Variants in MACROD2 observed in about 807,000 individuals in gnomAD.
The protein encoded by MACROD2 is mono-ADP ribosylhydrolase 2.
Under a neutral mutation model 70.4 loss-of-function variants are expected in MACROD2, and 36 were observed. That is an observed-to-expected ratio of 0.51 (90% CI 0.39 to 0.68). The LOEUF (loss-of-function observed/expected upper bound fraction) is 0.68. Ranked by LOEUF, MACROD2 falls within the 30% of genes least tolerant of loss-of-function variation. MACROD2 has a pLI of 0.00. For synonymous variants in MACROD2, 172 were observed against 178.8 expected (o/e 0.96, Z 0.30); for missense variants, 496 against 538.4 (o/e 0.92, Z 0.78).
chr20:14,466,117 C>T (rs1307252461), intron 3 of MACROD2, among the ~76,000 whole-genome samples: 1 of 152,064 alleles, frequency 6.6e-6, no homozygotes, highest in Admixed American at 6.6e-5. Flanking sequence ...TGGATAATAT[C>T]CTGCAGAGTG....
At chr20:15,686,148 T>A (rs906261115) in intron 8 of MACROD2, among the ~76,000 whole-genome samples, 20 of 152,230 alleles carry the variant, frequency 1.3e-4, no homozygotes, top group African/African-American at 4.8e-4. Context: ...AACTCTGATG[T>A]CATTTTCTCC....
At chr20:14,125,689 A>G (rs927206406) in intron 3 of MACROD2, among the ~76,000 whole-genome samples, 1 of 152,146 alleles carries the variant, frequency 6.6e-6, no homozygotes, top group African/African-American at 2.4e-5. Flanking sequence ...TTATCATTTA[A>G]TGATGCATTA....
intron 6 of MACROD2, among the ~76,000 whole-genome samples, chr20:15,245,655 A>G (rs1435552881): frequency 1.3e-5 from 2 of 152,228 alleles, no homozygotes; most frequent in African/African-American, 4.8e-5. Flanking sequence ...CACTCTCAGT[A>G]CAGTATTCAA....
intron 5 of MACROD2, among the ~76,000 whole-genome samples, chr20:14,785,078 A>G (rs987554778): frequency 2.6e-5 from 4 of 152,076 alleles, no homozygotes; most frequent in Admixed American, 2.6e-4. Flanking sequence ...AATAATTTCA[A>G]TTAACTTCTG....
At chr20:15,352,880 A>G (rs1242914368) in intron 6 of MACROD2, among the ~76,000 whole-genome samples, 1 of 152,020 alleles carries the variant, frequency 6.6e-6, no homozygotes, top group African/African-American at 2.4e-5. Flanking sequence ...AGAACATTCC[A>G]TGCTCATGGG....
At chr20:15,383,511 G>C (rs2146281955) in intron 6 of MACROD2, among the ~76,000 whole-genome samples, 1 of 152,248 alleles carries the variant, frequency 6.6e-6, no homozygotes. Flanking sequence ...CTTCCCAGTA[G>C]GAGTTTTAAT....
chr20:15,054,543 A>G (rs956661790), intron 5 of MACROD2, among the ~76,000 whole-genome samples: 5 of 152,258 alleles, frequency 3.3e-5, no homozygotes, highest in South Asian at 2.1e-4. Context: ...ATATAATGCT[A>G]TTGCACCCTT....
chr20:15,207,642 C>T (rs187963511), intron 5 of MACROD2, among the ~76,000 whole-genome samples: 13 of 151,792 alleles, frequency 8.6e-5, no homozygotes, highest in Middle Eastern at 3.4e-3. Flanking sequence ...GGGGTTTCAC[C>T]GTGTTAGCCA....
intron 6 of MACROD2, among the ~76,000 whole-genome samples, chr20:15,407,309 A>G (rs1438428528): frequency 1.3e-5 from 2 of 152,122 alleles, no homozygotes; most frequent in Admixed American, 1.3e-4. Context: ...TCACCCCTCA[A>G]TGGAAAAGTT....
At chr20:14,405,594 G>A (rs897760919) in intron 3 of MACROD2, among the ~76,000 whole-genome samples, 7 of 152,124 alleles carry the variant, frequency 4.6e-5, no homozygotes, top group East Asian at 1.9e-4. Flanking sequence ...GAATGGAGTC[G>A]TATCTGCTTA....
chr20:15,119,204 C>G (rs2076013134), intron 5 of MACROD2, among the ~76,000 whole-genome samples: 1 of 152,162 alleles, frequency 6.6e-6, no homozygotes, highest in African/African-American at 2.4e-5. Flanking sequence ...TGGTCTCTTG[C>G]CAGCTTACTT....
rs370020407 is a variant in MACROD2 at position 14,025,972 on chromosome 20, G to A, written c.163+23568G>A. On this transcript the variant is annotated intron_variant, in intron 2 of 17. Transcript: ENST00000684519. ...TAAAGTCTCCCACTATTACTGTGTG[G>A]GAGTCTAAGTCTCTTTATAGGTCTC... Among the ~76,000 whole-genome samples the A allele has an allele frequency of 1.7e-4, 26 of 152,250 alleles. No individual in the cohort carries two copies. The East Asian group carries it at 4.2e-3, about 25-fold the overall frequency.
At chr20:14,859,146 C>G (rs1277689230) in intron 5 of MACROD2, among the ~76,000 whole-genome samples, 1 of 151,952 alleles carries the variant, frequency 6.6e-6, no homozygotes, top group East Asian at 1.9e-4. Context: ...TAGGTGATGG[C>G]TGTGGTGCAC....
rs1451007880 is a variant in MACROD2, at chr20:15,461,000, A to ATT, written c.571+29566_571+29567insTT. 4.3e-4 allele frequency among the ~76,000 whole-genome samples: 30 copies of ATT among 69,254 alleles called. 1 individual carries two copies. Among genetic ancestry groups the ATT allele is most frequent in the African/African-American group, 1.5e-3 (22 of 14,928 alleles). The allele number at this position is 69,254 out of a possible 152,430, so 45.4% of individuals were successfully genotyped here. ...TCCATATATATATATATATATATAT[A>ATT]TATATATTTTTTTTTAATAGATGGG... On this transcript the variant is annotated intron_variant, in intron 7 of 17. Coordinates refer to ENST00000684519, the MANE Select transcript of MACROD2 (RefSeq NM_001351661.2).
chr20:15,266,422 A>T (rs2077295121), intron 6 of MACROD2, among the ~76,000 whole-genome samples: 1 of 152,188 alleles, frequency 6.6e-6, no homozygotes, highest in Non-Finnish European at 1.5e-5. Flanking sequence ...CAACGATGTG[A>T]CCTTCATTGT....
At chr20:15,347,873 A>G (rs1382660324) in intron 6 of MACROD2, among the ~76,000 whole-genome samples, 1 of 152,218 alleles carries the variant, frequency 6.6e-6, no homozygotes, top group East Asian at 1.9e-4. Flanking sequence ...AAGTGAGTGA[A>G]TGAATTTTTT....
intron 5 of MACROD2, among the ~76,000 whole-genome samples, chr20:14,716,455 A>T (rs1402686217): frequency 2.0e-5 from 3 of 152,154 alleles, no homozygotes; most frequent in Non-Finnish European, 4.4e-5. Context: ...GAGGGACCCC[A>T]TACTGCGCTC....
At position 14,695,736 on chromosome 20, in the gene MACROD2, C is replaced by T. The variant is rs80105929; in HGVS notation, c.418+10777C>T. Among the ~76,000 whole-genome samples, 1,040 of 152,340 alleles carry T rather than the reference C, an allele frequency of 6.8e-3. 12 individuals carry two copies. The highest frequency in any genetic ancestry group is 0.024 in the African/African-American group (1,006 of 41,580). ...AGCCACATCAGTGAGCTTGGGAGCACATTCTCCTGCCCAATCAAGCTTTCC... is the reference window on the plus strand; with the variant it reads ...AGCCACATCAGTGAGCTTGGGAGCATATTCTCCTGCCCAATCAAGCTTTCC... On this transcript the variant is annotated intron_variant, in intron 5 of 17. Transcript: ENST00000684519.
intron 4 of MACROD2, among the ~76,000 whole-genome samples, chr20:14,633,685 C>T (rs1984634537): frequency 3.3e-5 from 5 of 152,196 alleles, no homozygotes. Flanking sequence ...TGGCAGTCAT[C>T]TCTGACTCTC....
Sources: gnomAD v4.1 joint callset for allele counts (sites outside exome capture counted in the v4.1 genomes callset) on GRCh38, gnomAD v4.1.1 for gene constraint, MANE v1.5 for transcripts, NCBI Gene and HGNC (gene_info 2026-07-23, HGNC 2026-07-21) for gene names.